The following SFMBT1 variants were observed in gnomAD, a reference collection of about 807,000 sequenced individuals.
The protein encoded by SFMBT1 is scm-like with four MBT domains protein 1.
A neutral mutation model predicts 108.7 loss-of-function variants in SFMBT1; 32 were observed. That is an observed-to-expected ratio of 0.29 (90% confidence interval 0.22 to 0.40). SFMBT1 has a LOEUF of 0.40. SFMBT1 is among the 10% of genes least tolerant of loss of function. SFMBT1 has a pLI of 1.00. For synonymous variants in SFMBT1, 348 were observed against 369.5 expected (o/e 0.94, Z 0.67); for missense variants, 816 against 1,059.6 (o/e 0.77, Z 3.19).
intron 1 of SFMBT1, chr3:53,045,375 CGCGCGCGGGGA>C (rs1700194973): frequency 7.1e-6 from 1 of 140,314 alleles, no homozygotes; most frequent in African/African-American, 2.5e-5. Flanking sequence ...GAGCGCGGGG[CGCGCGCGGGGA>C]GGGGCGCGCG....
chr3:52,973,700 G>A (rs1159023232), intron 1 of SFMBT1, among the ~76,000 whole-genome samples: 2 of 151,666 alleles, frequency 1.3e-5, no homozygotes, highest in Admixed American at 6.6e-5. Flanking sequence ...GCACAATCTC[G>A]GCTCACTGCA....
At chr3:52,966,343 A>G (rs1704144599) in intron 2 of SFMBT1, among the ~76,000 whole-genome samples, 2 of 146,418 alleles carry the variant, frequency 1.4e-5, no homozygotes, top group Admixed American at 6.9e-5. Flanking sequence ...AAAAAGGACT[A>G]AAGCCGGCGC....
chr3:52,951,744 T>C (rs1174162146), intron 3 of SFMBT1, among the ~76,000 whole-genome samples: 1 of 152,230 alleles, frequency 6.6e-6, no homozygotes. Context: ...TTAGTTTGTG[T>C]CTAAAGAATG....
At chr3:52,911,881 G>A (rs1702223193) in intron 16 of SFMBT1, among the ~76,000 whole-genome samples, 1 of 151,974 alleles carries the variant, frequency 6.6e-6, no homozygotes. Flanking sequence ...TGTATTTTGA[G>A]TAGAGACAGG....
chr3:53,030,683 C>CAAAAAAAAATAAAA (rs1699654637), intron 1 of SFMBT1, among the ~76,000 whole-genome samples: 1 of 82,770 alleles, frequency 1.2e-5, no homozygotes, highest in Non-Finnish European at 2.4e-5. Flanking sequence ...GGCCATAATG[C>CAAAAAAAAATAAAA]AAAAAAAAAA....
intron 1 of SFMBT1, among the ~76,000 whole-genome samples, chr3:52,988,080 A>C (rs1346543963): frequency 6.6e-6 from 1 of 152,232 alleles, no homozygotes; most frequent in African/African-American, 2.4e-5. Context: ...CTCAACCCAG[A>C]AGAGAGCTGA....
chr3:53,013,785 C>T (rs1165774289), intron 1 of SFMBT1, among the ~76,000 whole-genome samples: 1 of 151,488 alleles, frequency 6.6e-6, no homozygotes, highest in Non-Finnish European at 1.5e-5. Context: ...CCCACCACCA[C>T]ACCCAGCTAA....
intron 1 of SFMBT1, among the ~76,000 whole-genome samples, chr3:53,019,342 GA>G (rs1479277348): frequency 6.9e-4 from 104 of 149,994 alleles, no homozygotes; most frequent in African/African-American, 2.5e-3. Context: ...GTGTGTGTGT[GA>G]AATCAATGAT....
intron 1 of SFMBT1, among the ~76,000 whole-genome samples, chr3:52,978,469 G>A (rs978210775): frequency 2.0e-5 from 3 of 152,052 alleles, no homozygotes; most frequent in African/African-American, 7.2e-5. Context: ...TACTTACCAG[G>A]TGACCCTACT....
At chr3:52,960,803 G>A (rs919666532) in intron 2 of SFMBT1, among the ~76,000 whole-genome samples, 2 of 152,086 alleles carry the variant, frequency 1.3e-5, no homozygotes, top group Admixed American at 6.6e-5. Context: ...AAATGAATGT[G>A]GTATATACAT....
At chr3:53,012,593 G>A (rs1021219293) in intron 1 of SFMBT1, among the ~76,000 whole-genome samples, 4 of 151,128 alleles carry the variant, frequency 2.6e-5, no homozygotes, top group South Asian at 2.1e-4. Flanking sequence ...TAGTAGAGGC[G>A]GGGTTTCACT....
chr3:52,979,808 T>C (rs934056761), intron 1 of SFMBT1, among the ~76,000 whole-genome samples: 1 of 152,208 alleles, frequency 6.6e-6, no homozygotes, highest in African/African-American at 2.4e-5. Flanking sequence ...ACCACATTTG[T>C]TCTAGGTGAA....
At chr3:53,005,395 A>G (rs748098842) in intron 1 of SFMBT1, among the ~76,000 whole-genome samples, 2 of 152,162 alleles carry the variant, frequency 1.3e-5, no homozygotes, top group Non-Finnish European at 2.9e-5. Context: ...CTACAGCCTT[A>G]AACTCCTGGG....
intron 1 of SFMBT1, among the ~76,000 whole-genome samples, chr3:53,009,896 T>C (rs1698884756): frequency 6.6e-6 from 1 of 152,216 alleles, no homozygotes; most frequent in African/African-American, 2.4e-5. Flanking sequence ...AAGGTTTTCA[T>C]CCTCACGGTC....
intron 1 of SFMBT1, among the ~76,000 whole-genome samples, chr3:52,973,221 A>C (rs536465075): frequency 4.7e-4 from 72 of 152,202 alleles, no homozygotes; most frequent in African/African-American, 1.5e-3. Flanking sequence ...TGTCTCAAAA[A>C]TTAATAAGTA....
At chr3:52,963,962 G>T (rs889778275) in intron 2 of SFMBT1, among the ~76,000 whole-genome samples, 6 of 152,160 alleles carry the variant, frequency 3.9e-5, no homozygotes, top group Non-Finnish European at 7.4e-5. Flanking sequence ...AAAGGGAAGA[G>T]ATACAAGCAT....
chr3:53,013,660 G>A (rs147737904), intron 1 of SFMBT1, among the ~76,000 whole-genome samples: 1,302 of 90,946 alleles, frequency 0.014, 44 homozygotes, highest in African/African-American at 0.054. Context: ...ATGGAGTCTT[G>A]CTCTGTCACC....
intron 3 of SFMBT1, among the ~76,000 whole-genome samples, chr3:52,952,404 G>A (rs1703625950): frequency 6.6e-6 from 1 of 152,106 alleles, no homozygotes; most frequent in Non-Finnish European, 1.5e-5. Flanking sequence ...CATTGCTATG[G>A]GCTAAACTGT....
At chr3:52,922,964 T>C (rs2106782475) in intron 10 of SFMBT1, among the ~76,000 whole-genome samples, 1 of 152,284 alleles carries the variant, frequency 6.6e-6, no homozygotes, top group East Asian at 1.9e-4. Flanking sequence ...CACATAATGA[T>C]ATGGATTCAG....
Sources: allele counts gnomAD v4.1 joint callset (sites outside exome capture counted in the v4.1 genomes callset), GRCh38; gene constraint gnomAD v4.1.1; transcripts MANE v1.5; gene names NCBI Gene and HGNC (gene_info 2026-07-23, HGNC 2026-07-21).